XRCC3: variants seen among roughly 807,000 people sequenced by gnomAD.
XRCC3 encodes X-ray repair cross complementing 3.
XRCC3 carries 34 observed loss-of-function variants against 29.2 expected under a neutral mutation model. That is an observed-to-expected ratio of 1.16 (90% confidence interval 0.88 to 1.55). XRCC3 has a LOEUF of 1.55. XRCC3 is among the 40% of genes most tolerant of loss of function. The pLI is 0.00. For missense variants in XRCC3, 463 were observed against 467.6 expected (o/e 0.99, Z 0.09); for synonymous variants, 223 against 211.3 (o/e 1.06, Z -0.48).
intron 7 of XRCC3, chr14:103,701,307 C>T: frequency 1.6e-6 from 2 of 1,214,822 alleles, no homozygotes; most frequent in Middle Eastern, 2.1e-4. Flanking sequence ...AGCCGCAGCG[C>T]TCACTCATTT....
intron 6 of XRCC3, chr14:103,704,466 G>A (rs2083362429): frequency 6.6e-6 from 1 of 152,284 alleles, no homozygotes; most frequent in Non-Finnish European, 1.5e-5. Flanking sequence ...GAGTGCAGTG[G>A]TGCGATCTCG....
intron 7 of XRCC3, chr14:103,699,784 A>G (rs2082975952): frequency 1.8e-5 from 11 of 609,208 alleles, no homozygotes; most frequent in East Asian, 1.4e-4. Flanking sequence ...GGCTCACACA[A>G]CTGGTTCCCT....
intron 7 of XRCC3, chr14:103,700,405 T>A (rs939826168): frequency 2.2e-6 from 1 of 445,224 alleles, no homozygotes; most frequent in African/African-American, 2.1e-5. Context: ...GCCTGGCCTC[T>A]GACCGCACAG....
chr14:103,700,160 G>A (rs952976697), intron 7 of XRCC3: 2 of 202,688 alleles, frequency 9.9e-6, no homozygotes, highest in African/African-American at 2.3e-5. Context: ...GACCACCTGG[G>A]GGTCAGGATG....
Position 103,699,171 on chromosome 14 carries a change from C to G in XRCC3, c.783G>C (p.Glu261Asp). ...SPVLCINQVTEAMEEQGAAHG... is the reference protein window; with the variant it reads ...SPVLCINQVTDAMEEQGAAHG... The stretch of plus-strand genomic sequence containing the variant: ...GTGCTGCGCCCTGCTCCTCCATGGC[C>G]TCTGTCACCTGGAAGAGCACAGTCC... The change falls in exon 9 of 10, where the codon GAG (glutamate) becomes GAC (aspartate). Residue 261 changes from glutamate (E) to aspartate (D), a missense_variant. Glu to Asp is a conservative substitution (Grantham distance 45). Transcript: ENST00000555055. The G allele has an allele frequency of 6.4e-7, 1 of 1,565,778 alleles. No homozygotes were observed. Among genetic ancestry groups the G allele is most frequent in the Non-Finnish European group, 8.6e-7 (1 of 1,158,812 alleles).
intron 7 of XRCC3, chr14:103,701,111 G>A: frequency 6.8e-7 from 1 of 1,480,092 alleles, no homozygotes; most frequent in Non-Finnish European, 9.2e-7. Flanking sequence ...CTTGGGGTGG[G>A]GGTTCCCCAG....
intron 7 of XRCC3, chr14:103,700,457 C>T (rs1166923942): frequency 6.0e-6 from 3 of 496,020 alleles, no homozygotes; most frequent in South Asian, 6.2e-5. Context: ...CACAGCTGCT[C>T]CTGGCACCAA....
chr14:103,710,869 C>A lies in XRCC3; in HGVS notation c.55+164G>T. On this transcript the variant is annotated intron_variant, in intron 4 of 9. Transcript: ENST00000555055. Reference sequence around the variant, plus strand: ...GTAGTTAAGAACACACACACACACACACACACACACACACCTGAAAATCCC... The same window carrying A: ...GTAGTTAAGAACACACACACACACAAACACACACACACACCTGAAAATCCC... 4.5e-6 allele frequency: 3 copies of A among 673,778 alleles called. No individual in the cohort carries two copies. The South Asian group carries it at 5.2e-5, about 12-fold the overall frequency. The allele number at this position is 673,778 out of a possible 1,614,324, so 41.7% of individuals were successfully genotyped here.
intron 7 of XRCC3, chr14:103,700,777 G>C (rs746705994): frequency 6.9e-7 from 1 of 1,447,028 alleles, no homozygotes; most frequent in Non-Finnish European, 9.4e-7. Context: ...GGGCCAGGGA[G>C]GGACTTTGCA....
Position 103,698,743 on chromosome 14 carries a change from C to A in XRCC3, c.*55G>T. The A allele has an allele frequency of 6.6e-7, 1 of 1,503,772 alleles. No homozygotes were observed. The highest frequency in any genetic ancestry group is 2.4e-5 in the East Asian group (1 of 40,958). The allele number at this position is 1,503,772 out of a possible 1,614,324, so 93.2% of individuals were successfully genotyped here. On this transcript the variant is annotated 3_prime_UTR_variant, in exon 10 of 10. Coordinates refer to ENST00000555055, the MANE Select transcript of XRCC3 (RefSeq NM_005432.4). ...CCCAGGCAGACGCGTTTTAAAGGCC[C>A]GAGCCCCGTGTGTCGGGGCTTCTCA...
intron 5 of XRCC3, chr14:103,707,638 ACAC>A: frequency 6.6e-6 from 2 of 305,038 alleles, no homozygotes; most frequent in South Asian, 3.2e-5. Context: ...GCACACATGC[ACAC>A]CACATGCCGT....
intron 7 of XRCC3, chr14:103,700,735 C>T: frequency 6.3e-7 from 1 of 1,584,166 alleles, no homozygotes; most frequent in South Asian, 1.1e-5. Flanking sequence ...AACGTGAGTC[C>T]CACGGCCTGC....
In XRCC3 at chr14:103,707,255, CCTGCGGGCAGGGCTGGGGA is replaced by C. The variant is rs1296684120; in HGVS notation, c.194-59_194-41del. 33 of 1,547,118 alleles carry C rather than the reference CCTGCGGGCAGGGCTGGGGA, an allele frequency of 2.1e-5. No individual in the cohort carries two copies. In the Middle Eastern group the frequency reaches 6.7e-4, roughly 32 times the overall value. On this transcript the variant is annotated intron_variant, in intron 5 of 9. Transcript: ENST00000555055. ...TAGTGTCAGGCCTGACTCTCCTGGG[CCTGCGGGCAGGGCTGGGGA>C]CTGCGGGAGGCATGGTCAGCCTGCC...
chr14:103,700,318 C>G, intron 7 of XRCC3: 1 of 278,148 alleles, frequency 3.6e-6, no homozygotes, highest in Non-Finnish European at 6.8e-6. Context: ...GAGGACCCCC[C>G]CAGTGAAGGC....
At position 103,699,554 on chromosome 14, in the gene XRCC3, T is replaced by C; in HGVS notation, c.584A>G (p.Asn195Ser). Residue 195 changes from asparagine to serine, a missense_variant, in exon 8 of 10, where the codon AAT becomes AGT. By Grantham distance (46) the Asn-to-Ser change is conservative (BLOSUM62 1). Transcript: ENST00000555055. ...ADVDTLLECV[N>S]KKVPVLLSRG... ...AGACAGCAGTACGGGGACCTTCTTA[T>C]TCACACACTCCAACAAGGTGTCCTG... 7 of 1,613,382 alleles carry C rather than the reference T, an allele frequency of 4.3e-6. No individual in the cohort carries two copies. Among genetic ancestry groups the C allele is most frequent in the Non-Finnish European group, 5.1e-6 (6 of 1,179,932 alleles).
chr14:103,701,161 T>C (rs1310266791), intron 7 of XRCC3: 26 of 1,548,168 alleles, frequency 1.7e-5, no homozygotes, highest in Non-Finnish European at 2.2e-5. Context: ...CACTGTCAGG[T>C]TTTGGCGGCC....
At chr14:103,708,762 G>C in intron 4 of XRCC3, 103 bp from the exon 5 acceptor site, 1 of 1,491,926 alleles carries the variant, frequency 6.7e-7, no homozygotes. Context: ...AGAGCACCGT[G>C]CTTCCGATTC....
chr14:103,705,225 CTG>C (rs2083390690), intron 6 of XRCC3: 1 of 152,340 alleles, frequency 6.6e-6, no homozygotes, highest in Non-Finnish European at 1.5e-5. Flanking sequence ...CCAGCAGTGA[CTG>C]TGCCCCTAGT....
chr14:103,706,879 GAGGGAGACGCAATGGT>G, intron 6 of XRCC3, 108 bp downstream of exon 6: 1 of 1,098,692 alleles, frequency 9.1e-7, no homozygotes, highest in East Asian at 2.6e-5. Context: ...GGGTGAGAAG[GAGGGAGACGCAATGGT>G]AGGAACAGCG....
Sources: gnomAD v4.1 joint callset for allele counts on GRCh38, gnomAD v4.1.1 for gene constraint, MANE v1.5 for transcripts, NCBI Gene and HGNC (gene_info 2026-07-23, HGNC 2026-07-21) for gene names.